The following FAM178B variants were observed in gnomAD, a reference collection of about 807,000 sequenced individuals.
FAM178B encodes family with sequence similarity 178 member B, also known as protein FAM178B.
In FAM178B, 82 loss-of-function variants were observed where a neutral mutation model predicts 91.7. That is an observed-to-expected ratio of 0.89 (90% CI 0.75 to 1.07). FAM178B has a LOEUF of 1.07. Among genes scored for constraint, FAM178B ranks in the 50% least tolerant of loss-of-function variants. The pLI is 0.00. For synonymous variants in FAM178B, 368 were observed against 359.4 expected (o/e 1.02, Z -0.27); for missense variants, 769 against 846.7 (o/e 0.91, Z 1.14).
At chr2:96,936,294 C>T (rs951345797) in intron 8 of FAM178B, among the ~76,000 whole-genome samples, 14 of 152,024 alleles carry the variant, frequency 9.2e-5, no homozygotes, top group African/African-American at 2.7e-4. Context: ...CTCCACCTCC[C>T]GGGTTCACAC....
At chr2:96,976,384 T>C (rs1448963553) in intron 1 of FAM178B, among the ~76,000 whole-genome samples, 1 of 150,932 alleles carries the variant, frequency 6.6e-6, no homozygotes, top group Non-Finnish European at 1.5e-5. Flanking sequence ...TGAGCCACCA[T>C]GCCTGGCCAA....
intron 6 of FAM178B, among the ~76,000 whole-genome samples, chr2:96,957,738 T>C (rs1410681564): frequency 6.6e-6 from 1 of 152,182 alleles, no homozygotes; most frequent in Non-Finnish European, 1.5e-5. Context: ...CTCTCCTTTC[T>C]CCAGCTCTTT....
chr2:96,947,791 A>G (rs2081854595), intron 8 of FAM178B, 27 bp downstream of exon 8: 2 of 1,384,212 alleles, frequency 1.4e-6, no homozygotes, highest in Non-Finnish European at 2.0e-6. Flanking sequence ...CAGTGCGCCA[A>G]TCTCCACCCT....
At position 96,929,311 on chromosome 2, in the gene FAM178B, T is replaced by C. The variant is rs1336855323; in HGVS notation, c.1088A>G (p.Lys363Arg). ...TTGCAGTGAGGGGCACCACAGGTGCTTGTCTTCATCTGTCAGGCCAAAAGG... is the reference window on the plus strand; with the variant it reads ...TTGCAGTGAGGGGCACCACAGGTGCCTGTCTTCATCTGTCAGGCCAAAAGG... ...DGIFLQPDED[K>R]HLWCPSLQEV... Residue 363 changes from lysine to arginine, a missense_variant, in exon 9 of 17, where the codon AAG (lysine) becomes AGG (arginine). By Grantham distance (26) the Lys-to-Arg change is conservative. Coordinates refer to ENST00000490605, the MANE Select transcript of FAM178B (RefSeq NM_001122646.3). 6.4e-7 allele frequency: 1 copy of C among 1,550,662 alleles called. No homozygotes were observed. Among genetic ancestry groups the C allele is most frequent in the African/African-American group, 1.4e-5 (1 of 73,140 alleles).
chr2:96,901,241 C>T (rs916580899), intron 13 of FAM178B, among the ~76,000 whole-genome samples: 3 of 149,846 alleles, frequency 2.0e-5, no homozygotes, highest in Admixed American at 6.7e-5. Context: ...GGCGCGATCT[C>T]GGCTCACTGC....
At chr2:96,978,047 T>C in intron 1 of FAM178B, 1 of 388,672 alleles carries the variant, frequency 2.6e-6, no homozygotes, top group Non-Finnish European at 5.1e-6. Context: ...ACTTCTCAAC[T>C]ATTCCTCTTC....
At chr2:96,907,927 G>A (rs1006369802) in intron 12 of FAM178B, among the ~76,000 whole-genome samples, 48 of 152,240 alleles carry the variant, frequency 3.2e-4, no homozygotes, top group African/African-American at 1.1e-3. Context: ...CAGTCTCCAG[G>A]GCAGCTCAGG....
chr2:96,909,940 G>C (rs2081123386), intron 12 of FAM178B, among the ~76,000 whole-genome samples: 1 of 152,198 alleles, frequency 6.6e-6, no homozygotes, highest in Non-Finnish European at 1.5e-5. Flanking sequence ...CACTCTGATG[G>C]CCAGCAGCAC....
intron 3 of FAM178B, among the ~76,000 whole-genome samples, chr2:96,971,246 T>TCTCC (rs955638286): frequency 8.7e-6 from 1 of 115,448 alleles, no homozygotes; most frequent in African/African-American, 3.4e-5. Flanking sequence ...CCTCCTCTCC[T>TCTCC]CTCCCTCCCT....
At chr2:96,941,496 G>T (rs1480205986) in intron 8 of FAM178B, among the ~76,000 whole-genome samples, 3 of 152,272 alleles carry the variant, frequency 2.0e-5, no homozygotes, top group South Asian at 2.1e-4. Context: ...GAAACCCAAG[G>T]CCCCAGTGGC....
chr2:96,894,965 T>A, intron 13 of FAM178B: 36 of 899,542 alleles, frequency 4.0e-5, no homozygotes, highest in Non-Finnish European at 4.9e-5. Context: ...GGGCCCACCC[T>A]CCCTTGCATC....
chr2:96,910,970 G>C (rs1394431757), intron 12 of FAM178B, among the ~76,000 whole-genome samples: 1 of 152,082 alleles, frequency 6.6e-6, no homozygotes, highest in East Asian at 1.9e-4. Flanking sequence ...GTTTCACCAT[G>C]TTGGCCAGGC....
At chr2:96,878,333 G>T in intron 15 of FAM178B, 83 bp downstream of exon 15, 2 of 1,309,898 alleles carry the variant, frequency 1.5e-6, no homozygotes, top group Non-Finnish European at 1.1e-6. Context: ...TGGGCTGGGC[G>T]CCATCCCAGC....
intron 14 of FAM178B, among the ~76,000 whole-genome samples, chr2:96,887,444 G>A (rs1212913436): frequency 1.3e-5 from 2 of 152,182 alleles, no homozygotes; most frequent in Admixed American, 6.5e-5. Flanking sequence ...AAAGGTAGCT[G>A]TTCAAGTATG....
chr2:96,920,819 C>G (rs925884874), intron 12 of FAM178B, among the ~76,000 whole-genome samples: 7 of 152,030 alleles, frequency 4.6e-5, no homozygotes, highest in African/African-American at 1.5e-4. Context: ...CGAGAGTGTG[C>G]GAGTGGGAGT....
At chr2:96,922,972 C>A (rs1402802624) in intron 10 of FAM178B, among the ~76,000 whole-genome samples, 3 of 147,756 alleles carry the variant, frequency 2.0e-5, no homozygotes, top group African/African-American at 7.6e-5. Context: ...CTGCATCCAG[C>A]CTTTTTGTTT....
intron 12 of FAM178B, among the ~76,000 whole-genome samples, chr2:96,908,188 C>A (rs1200942118): frequency 3.3e-5 from 5 of 152,230 alleles, no homozygotes; most frequent in Non-Finnish European, 7.3e-5. Flanking sequence ...CATCCACAGA[C>A]CAGTCTGAGC....
intron 14 of FAM178B, among the ~76,000 whole-genome samples, chr2:96,881,972 T>C (rs138797592): frequency 1.1e-3 from 169 of 152,230 alleles, no homozygotes; most frequent in African/African-American, 3.6e-3. Flanking sequence ...TTAAGGAGAT[T>C]GGTGGCTGTG....
intron 14 of FAM178B, among the ~76,000 whole-genome samples, chr2:96,879,857 C>G (rs961500601): frequency 5.5e-4 from 84 of 152,266 alleles, no homozygotes; most frequent in Non-Finnish European, 3.2e-4. Flanking sequence ...CCCGAGTTGC[C>G]CGGCCCAGCT....
Sources: allele counts gnomAD v4.1 joint callset (sites outside exome capture counted in the v4.1 genomes callset), GRCh38; gene constraint gnomAD v4.1.1; transcripts MANE v1.5; gene names NCBI Gene and HGNC (gene_info 2026-07-23, HGNC 2026-07-21).